Variants in ANKRD34C observed in about 807,000 individuals in gnomAD.
The protein encoded by ANKRD34C is ankyrin repeat domain-containing protein 34C.
For missense variants in ANKRD34C, 563 were observed against 653.0 expected (o/e 0.86, Z 1.50); for synonymous variants, 260 against 253.6 (o/e 1.03, Z -0.24).
At position 79,282,799 on chromosome 15, in the gene ANKRD34C, C is replaced by T. The variant is rs1300816977; in HGVS notation, c.-474C>T. Among the ~76,000 whole-genome samples the T allele has an allele frequency of 1.3e-5, 2 of 152,244 alleles. No homozygotes were observed. The highest frequency in any genetic ancestry group is 2.4e-5 in the African/African-American group (1 of 41,458). On this transcript the variant is annotated 5_prime_UTR_variant, in exon 1 of 2. Coordinates refer to ENST00000421388, the MANE Select transcript of ANKRD34C (RefSeq NM_001146341.2). ...GCAGCGCGTCGTCAGCCAGCACAGCCGGCCGAAGACCAAGCCGGAGGTCTG... is the reference window on the plus strand; with the variant it reads ...GCAGCGCGTCGTCAGCCAGCACAGCTGGCCGAAGACCAAGCCGGAGGTCTG...
At chr15:79,288,653 C>T (rs1348528696) in intron 1 of ANKRD34C, among the ~76,000 whole-genome samples, 3 of 152,066 alleles carry the variant, frequency 2.0e-5, no homozygotes, top group Non-Finnish European at 4.4e-5. Flanking sequence ...TAAGACCACT[C>T]AGGCAAGAAA....
intron 1 of ANKRD34C, among the ~76,000 whole-genome samples, chr15:79,292,501 T>C (rs1429731022): frequency 6.6e-6 from 1 of 152,208 alleles, no homozygotes; most frequent in African/African-American, 2.4e-5. Context: ...GGGAATAGCA[T>C]GGCTTTATTC....
intron 1 of ANKRD34C, among the ~76,000 whole-genome samples, chr15:79,291,071 CTGA>C (rs2058657713): frequency 6.6e-6 from 1 of 152,148 alleles, no homozygotes; most frequent in African/African-American, 2.4e-5. Flanking sequence ...TTTATATAGT[CTGA>C]TGATGAGTCA....
rs2058672844 is a variant in ANKRD34C, at chr15:79,296,553, G to A, written c.*1661G>A. On this transcript the variant is annotated 3_prime_UTR_variant, in exon 2 of 2. Transcript: ENST00000421388. ...TAAGTACCGATCTCTAAACTCATGT[G>A]TAAAGTAAAAAATTCTGCCATATAA... The A allele has an allele frequency of 6.0e-6, 1 of 166,996 alleles. No individual in the cohort carries two copies. Among genetic ancestry groups the A allele is most frequent in the African/African-American group, 2.4e-5 (1 of 41,456 alleles). The allele number at this position is 166,996 out of a possible 1,614,324, so 10.3% of individuals were successfully genotyped here.
At chr15:79,292,695 A>G (rs981581196) in intron 1 of ANKRD34C, among the ~76,000 whole-genome samples, 25 of 152,208 alleles carry the variant, frequency 1.6e-4, no homozygotes, top group African/African-American at 5.8e-4. Flanking sequence ...GGAACCACTC[A>G]TAATCCCACT....
Position 79,284,499 on chromosome 15 carries a change from A to G in ANKRD34C, c.-45+1271A>G, listed in dbSNP as rs74735308. Among the ~76,000 whole-genome samples the G allele has an allele frequency of 9.5e-3, 1,441 of 152,308 alleles. 27 individuals carry two copies. Among genetic ancestry groups the G allele is most frequent in the African/African-American group, 0.033 (1,365 of 41,542 alleles). ...ATCATATGTGTGGAAAGACTGGCAA[A>G]CTGGGAATTGTGGTTGGGTGTTAGG... is the stretch of plus-strand genomic sequence containing the variant. On this transcript the variant is annotated intron_variant, in intron 1 of 1. Coordinates refer to ENST00000421388, the MANE Select transcript of ANKRD34C (RefSeq NM_001146341.2).
intron 1 of ANKRD34C, among the ~76,000 whole-genome samples, chr15:79,286,049 T>C (rs957039819): frequency 2.0e-5 from 3 of 152,170 alleles, no homozygotes; most frequent in African/African-American, 7.2e-5. Context: ...AACACTTGCA[T>C]CTACTTATTG....
rs1430408237 is a variant in ANKRD34C at position 79,294,919 on chromosome 15, AATATAGTTT to A, written c.*30_*38del. ...AGCTTTAGAAAGGCTTAAAATAGTC[AATATAGTTT>A]ATGGAAGGGACTATGGATGAGACTG... On this transcript the variant is annotated 3_prime_UTR_variant, in exon 2 of 2. Transcript: ENST00000421388. 1.3e-6 allele frequency: 2 copies of A among 1,494,478 alleles called. No homozygotes were observed. Among genetic ancestry groups the A allele is most frequent in the Non-Finnish European group, 1.8e-6 (2 of 1,125,956 alleles). 92.6% of individuals were successfully genotyped at this position (1,494,478 alleles called of 1,614,324 possible).
At chr15:79,286,438 A>G (rs957294532) in intron 1 of ANKRD34C, among the ~76,000 whole-genome samples, 7 of 152,214 alleles carry the variant, frequency 4.6e-5, no homozygotes, top group Admixed American at 1.3e-4. Context: ...GCTTTTTTCA[A>G]TCCAGATTGT....
In ANKRD34C at chr15:79,297,766, T is replaced by C. The variant is rs532024400; in HGVS notation, c.*2874T>C. On this transcript the variant is annotated 3_prime_UTR_variant, in exon 2 of 2. Coordinates refer to ENST00000421388, the MANE Select transcript of ANKRD34C (RefSeq NM_001146341.2). The stretch of plus-strand genomic sequence containing the variant: ...ACCTAACAAGAATGCTTTTTAAAAG[T>C]ATATTTTAGATTCAAACATGCTTTC... 2 of 167,062 alleles carry C rather than the reference T, an allele frequency of 1.2e-5. No individual in the cohort carries two copies. Among genetic ancestry groups the C allele is most frequent in the Middle Eastern group, 3.4e-3 (1 of 296 alleles). The allele number at this position is 167,062 out of a possible 1,614,324, so 10.3% of individuals were successfully genotyped here.
rs561804170 is a variant in ANKRD34C at position 79,287,080 on chromosome 15, C to T, written c.-45+3852C>T. Among the ~76,000 whole-genome samples the T allele has an allele frequency of 1.6e-4, 25 of 152,288 alleles. No homozygotes were observed. The East Asian group carries it at 2.5e-3, about 15-fold the overall frequency. ...GTGAGCCCTTTCCTAATCTGCACCC[C>T]GAGTCCCTCCTGGCACTCATGTCTC... On this transcript the variant is annotated intron_variant, in intron 1 of 1. Transcript: ENST00000421388.
At chr15:79,287,383 G>C (rs1055392797) in intron 1 of ANKRD34C, among the ~76,000 whole-genome samples, 1 of 152,186 alleles carries the variant, frequency 6.6e-6, no homozygotes, top group Non-Finnish European at 1.5e-5. Context: ...CACATTGCTT[G>C]GCACATGGCA....
At chr15:79,290,785 T>G (rs184738961) in intron 1 of ANKRD34C, among the ~76,000 whole-genome samples, 1 of 152,322 alleles carries the variant, frequency 6.6e-6, no homozygotes, top group Admixed American at 6.5e-5. Context: ...ATTTGCAAAC[T>G]ACCACAGGTA....
intron 1 of ANKRD34C, among the ~76,000 whole-genome samples, chr15:79,285,027 A>G (rs183632431): frequency 6.6e-6 from 1 of 152,380 alleles, no homozygotes. Flanking sequence ...TTTATTGATT[A>G]TATTCTATTT....
rs2058675803 is a variant in ANKRD34C at position 79,297,758 on chromosome 15, T to C, written c.*2866T>C. 1 of 166,976 alleles carries C rather than the reference T, an allele frequency of 6.0e-6. No individual in the cohort carries two copies. Among genetic ancestry groups the C allele is most frequent in the Non-Finnish European group, 1.5e-5 (1 of 68,120 alleles). 10.3% of individuals were successfully genotyped at this position (166,976 alleles called of 1,614,324 possible). A position where few individuals can be genotyped will look rare whatever the true frequency, so the allele number is the denominator to read the frequency against. ...GTCAATGAACCTAACAAGAATGCTT[T>C]TTAAAAGTATATTTTAGATTCAAAC... On this transcript the variant is annotated 3_prime_UTR_variant, in exon 2 of 2. Coordinates refer to ENST00000421388, the MANE Select transcript of ANKRD34C (RefSeq NM_001146341.2).
At chr15:79,287,089 C>G (rs1191970261) in intron 1 of ANKRD34C, among the ~76,000 whole-genome samples, 2 of 152,182 alleles carry the variant, frequency 1.3e-5, no homozygotes, top group African/African-American at 4.8e-5. Context: ...CCGAGTCCCT[C>G]CTGGCACTCA....
chr15:79,293,592 CCTT>C lies in ANKRD34C; in HGVS notation c.309_311del (p.Leu106del), dbSNP rs1352497721. ...AGAAGAGCTGGGGGAGAAGTGGTCTCCTTATTACTGGAGAATGGAGCAGACCCC... is the reference window on the plus strand; with the variant it reads ...AGAAGAGCTGGGGGAGAAGTGGTCTCATTACTGGAGAATGGAGCAGACCCC... On this transcript the variant is annotated inframe_deletion, in exon 2 of 2. Coordinates refer to ENST00000421388, the MANE Select transcript of ANKRD34C (RefSeq NM_001146341.2). 6.4e-7 allele frequency: 1 copy of C among 1,551,648 alleles called. No homozygotes were observed. The highest frequency in any genetic ancestry group is 2.0e-5 in the Admixed American group (1 of 50,984).
chr15:79,287,779 C>T (rs1007123935), intron 1 of ANKRD34C, among the ~76,000 whole-genome samples: 1 of 152,214 alleles, frequency 6.6e-6, no homozygotes, highest in African/African-American at 2.4e-5. Context: ...ATCTCAGCTT[C>T]TCAGTGTGTT....
At chr15:79,292,720 T>C (rs192838182) in intron 1 of ANKRD34C, among the ~76,000 whole-genome samples, 16 of 152,324 alleles carry the variant, frequency 1.1e-4, no homozygotes, top group Admixed American at 1.0e-3. Context: ...AGAATAAGGA[T>C]TGACATTTTG....
Sources: gnomAD v4.1 joint callset for allele counts (sites outside exome capture counted in the v4.1 genomes callset) on GRCh38, gnomAD v4.1.1 for gene constraint, MANE v1.5 for transcripts, NCBI Gene and HGNC (gene_info 2026-07-23, HGNC 2026-07-21) for gene names.